Variants in USH1C observed in about 807,000 individuals in gnomAD.
The protein encoded by USH1C is USH1 protein network component harmonin.
In USH1C, 90 loss-of-function variants were observed where a neutral mutation model predicts 119.3. The observed-to-expected ratio is 0.75, with a 90% CI of 0.64 to 0.90. The LOEUF (loss-of-function observed/expected upper bound fraction) is 0.90, where lower values mean the gene tolerates loss of function less well. Ranked by LOEUF, USH1C falls within the 40% of genes least tolerant of loss-of-function variation. USH1C has a pLI of 0.00. For missense variants in USH1C, 1,165 were observed against 1,167.7 expected, an observed-to-expected ratio of 1.00 and a Z score of 0.03; for synonymous variants, 465 against 443.3, an observed-to-expected ratio of 1.05 and a Z score of -0.62.
intron 1 of USH1C, among the ~76,000 whole-genome samples, chr11:17,534,223 G>T (rs145895438): frequency 5.3e-5 from 8 of 152,356 alleles, no homozygotes; most frequent in African/African-American, 1.7e-4. Flanking sequence ...AGAGGCTGCA[G>T]CTGGAAGCTG....
At chr11:17,524,311 C>A in intron 9 of USH1C, 140 bp downstream of exon 9, 2 of 887,278 alleles carry the variant, frequency 2.3e-6, no homozygotes, top group Non-Finnish European at 1.8e-6. Context: ...GCCTTCTCTG[C>A]AGGGTGGGTA....
chr11:17,512,264 C>G (rs1054010905), intron 15 of USH1C, among the ~76,000 whole-genome samples: 12 of 152,078 alleles, frequency 7.9e-5, no homozygotes, highest in Non-Finnish European at 1.8e-4. Context: ...TCTTTACCAG[C>G]CAGAAAGACT....
chr11:17,533,242 C>A lies in USH1C; in HGVS notation c.104+13G>T, dbSNP rs1851067011. ...CCCAAGTGGCCCACAAGAGCTGGAC[C>A]CAGCACACTTACTGGTGGTACATTC... On this transcript the variant is annotated intron_variant, in intron 2 of 26. Coordinates refer to ENST00000005226, the MANE Select transcript of USH1C (RefSeq NM_153676.4). 4 of 1,611,538 alleles carry A rather than the reference C, an allele frequency of 2.5e-6. No individual in the cohort carries two copies. In the African/African-American group the frequency reaches 5.3e-5, roughly 22 times the overall value.
At chr11:17,519,599 C>T (rs1421289147) in intron 14 of USH1C, among the ~76,000 whole-genome samples, 1 of 152,170 alleles carries the variant, frequency 6.6e-6, no homozygotes, top group Non-Finnish European at 1.5e-5. Context: ...CTATTTCACT[C>T]GTAAGAGCAA....
At chr11:17,526,926 G>A in intron 6 of USH1C, 90 bp downstream of exon 6, 1 of 1,571,670 alleles carries the variant, frequency 6.4e-7, no homozygotes, top group Non-Finnish European at 8.7e-7. Context: ...CCCAGAAGCA[G>A]GGCTGGCATG....
At chr11:17,512,498 G>A (rs756014102) in intron 15 of USH1C, among the ~76,000 whole-genome samples, 7 of 152,240 alleles carry the variant, frequency 4.6e-5, no homozygotes. Flanking sequence ...GCATTGTGCT[G>A]ATTTTCCAGT....
intron 26 of USH1C, chr11:17,494,696 C>T (rs1047659521): frequency 2.3e-6 from 1 of 432,332 alleles, no homozygotes; most frequent in Non-Finnish European, 4.3e-6. Context: ...AAGCCATGGT[C>T]TACCCGGCCA....
chr11:17,513,339 C>T (rs61040045), intron 15 of USH1C, among the ~76,000 whole-genome samples: 1 of 151,962 alleles, frequency 6.6e-6, no homozygotes, highest in African/African-American at 2.4e-5. Flanking sequence ...TGAGCTCACC[C>T]CCGCCCCCAA....
chr11:17,523,584 A>T, intron 9 of USH1C, 106 bp from the exon 10 acceptor site: 1 of 1,074,206 alleles, frequency 9.3e-7, no homozygotes, highest in Non-Finnish European at 1.4e-6. Flanking sequence ...TGGATCTTCA[A>T]GTGGCAGTAC....
At chr11:17,520,456 C>G (rs1850360249) in intron 14 of USH1C, among the ~76,000 whole-genome samples, 1 of 152,156 alleles carries the variant, frequency 6.6e-6, no homozygotes, top group South Asian at 2.1e-4. Context: ...GAGCCCTTCT[C>G]TGATGTGAGG....
At chr11:17,540,358 C>T (rs1851412159) in intron 1 of USH1C, among the ~76,000 whole-genome samples, 1 of 152,078 alleles carries the variant, frequency 6.6e-6, no homozygotes, top group South Asian at 2.1e-4. Flanking sequence ...CGCCCTGCTT[C>T]TCCTTGCTTT....
intron 8 of USH1C, among the ~76,000 whole-genome samples, 178 bp from the exon 9 acceptor site, chr11:17,524,713 T>C (rs1271668906): frequency 6.6e-6 from 1 of 152,148 alleles, no homozygotes; most frequent in Non-Finnish European, 1.5e-5. Context: ...GAAAAATCCT[T>C]GTAATTCTTC....
intron 26 of USH1C, 156 bp from the exon 27 acceptor site, chr11:17,494,532 T>C: frequency 1.3e-6 from 1 of 793,838 alleles, no homozygotes; most frequent in Non-Finnish European, 2.1e-6. Flanking sequence ...CCCAAGTGGC[T>C]ACACACCAGC....
At chr11:17,534,159 C>A (rs932602193) in intron 1 of USH1C, among the ~76,000 whole-genome samples, 3 of 152,356 alleles carry the variant, frequency 2.0e-5, no homozygotes, top group East Asian at 3.9e-4. Context: ...CTTGGGGGGT[C>A]ACTGGGTCCC....
intron 14 of USH1C, among the ~76,000 whole-genome samples, chr11:17,519,222 C>T (rs939296306): frequency 2.0e-5 from 3 of 152,294 alleles, no homozygotes; most frequent in Non-Finnish European, 2.9e-5. Flanking sequence ...GGCTCAGGGA[C>T]CTCACTGCAT....
chr11:17,498,205 G>A lies in USH1C; in HGVS notation c.2447C>T (p.Ala816Val). 6.2e-7 allele frequency: 1 copy of A among 1,614,206 alleles called. No individual in the cohort carries two copies. Among genetic ancestry groups the A allele is most frequent in the South Asian group, 1.1e-5 (1 of 91,084 alleles). ...NGKIVTDYTLAEAEAALQKAW... is the reference protein window; with the variant it reads ...NGKIVTDYTLVEAEAALQKAW... ...CTTCTGCAGGGCAGCCTCAGCCTCA[G>A]CCAGGGTGTAGTCTGTCACAATCTT... The change falls in exon 24 of 27, where the codon GCT becomes GTT. Residue 816 changes from alanine to valine, a missense_variant. Ala to Val is a moderately conservative substitution (Grantham distance 64, BLOSUM62 0). Transcript: ENST00000005226.
At chr11:17,507,177 G>A (rs1041699135) in intron 18 of USH1C, among the ~76,000 whole-genome samples, 40 of 152,330 alleles carry the variant, frequency 2.6e-4, no homozygotes, top group Non-Finnish European at 8.8e-5. Flanking sequence ...ACTGATGACA[G>A]CTTGCCAGGG....
At position 17,531,495 on chromosome 11, in the gene USH1C, T is replaced by C. The variant is rs775363189; in HGVS notation, c.152A>G (p.Asn51Ser). 23 of 1,613,822 alleles carry C rather than the reference T, an allele frequency of 1.4e-5. No homozygotes were observed. Among genetic ancestry groups the C allele is most frequent in the South Asian group, 5.5e-5 (5 of 91,064 alleles). The change falls in exon 3 of 27, where the codon AAT (asparagine) becomes AGT (serine). Residue 51 changes from asparagine (N) to serine (S), a missense_variant. Coordinates refer to ENST00000005226, the MANE Select transcript of USH1C (RefSeq NM_153676.4). The surrounding 1 kb of genome is among the most constrained non-coding windows in gnomAD (Gnocchi z 4.2). The stretch of plus-strand genomic sequence containing the variant: ...AAACAGAGGCAGACGGCTGGGTTCA[T>C]TGATGACCAGCTTCAGGTCTCCCAC... ...VLVGDLKLVINEPSRLPLFDA... is the reference protein window; with the variant it reads ...VLVGDLKLVISEPSRLPLFDA...
chr11:17,501,400 GAGAGT>G (rs1418614932), intron 22 of USH1C, 77 bp downstream of exon 22: 1 of 1,497,166 alleles, frequency 6.7e-7, no homozygotes, highest in African/African-American at 1.4e-5. Context: ...GAGTGACCTT[GAGAGT>G]AGAGGCAGGA....
Sources: allele counts gnomAD v4.1 joint callset (sites outside exome capture counted in the v4.1 genomes callset), GRCh38; gene constraint gnomAD v4.1.1; non-coding constraint Gnocchi (gnomAD v3.1); transcripts MANE v1.5; gene names NCBI Gene and HGNC (gene_info 2026-07-23, HGNC 2026-07-21).